Variants in GRM8 observed in about 807,000 individuals in gnomAD.
The protein encoded by GRM8 is metabotropic glutamate receptor 8.
GRM8 carries 47 observed loss-of-function variants against 87.2 expected under a neutral mutation model. The ratio of observed to expected loss-of-function variants is 0.54; its 90% CI spans 0.43 to 0.69. GRM8 has a LOEUF of 0.69. GRM8 is among the 30% of genes least tolerant of loss of function. The pLI, the probability that GRM8 is intolerant of heterozygous loss-of-function variation, is 0.00. For missense variants in GRM8, 1,019 were observed against 1,139.2 expected, an observed-to-expected ratio of 0.89 and a Z score of 1.52; for synonymous variants, 396 against 404.5, an observed-to-expected ratio of 0.98 and a Z score of 0.25.
chr7:127,106,102 A>G (rs1184875528), intron 3 of GRM8, among the ~76,000 whole-genome samples: 4 of 152,246 alleles, frequency 2.6e-5, no homozygotes, highest in African/African-American at 9.6e-5. Flanking sequence ...TAGTCCCTCT[A>G]GTGTTGGATG....
intron 2 of GRM8, among the ~76,000 whole-genome samples, chr7:127,122,912 G>A (rs1049732512): frequency 6.6e-6 from 1 of 152,112 alleles, no homozygotes; most frequent in Non-Finnish European, 1.5e-5. Context: ...GAGAAGACTA[G>A]GGACTAAGGG....
intron 7 of GRM8, among the ~76,000 whole-genome samples, chr7:126,642,410 G>A (rs554278675): frequency 9.9e-5 from 15 of 152,158 alleles, no homozygotes; most frequent in African/African-American, 1.4e-4. Context: ...AGGCTGAGGC[G>A]GGCAGATCAC....
intron 8 of GRM8, among the ~76,000 whole-genome samples, chr7:126,604,801 A>G (rs2151086613): frequency 6.6e-6 from 1 of 152,304 alleles, no homozygotes; most frequent in Middle Eastern, 3.4e-3. Flanking sequence ...GTATCCTGTC[A>G]GAAGTTTTTC....
chr7:127,203,478 C>T (rs995639127), intron 2 of GRM8, among the ~76,000 whole-genome samples: 16 of 152,236 alleles, frequency 1.1e-4, no homozygotes, highest in South Asian at 1.0e-3. Context: ...GAGGCCAAGG[C>T]GGGTGAATCA....
intron 3 of GRM8, among the ~76,000 whole-genome samples, chr7:126,942,122 G>A (rs187884341): frequency 6.6e-6 from 1 of 152,012 alleles, no homozygotes; most frequent in East Asian, 1.9e-4. Context: ...CTACTTTCTG[G>A]ATGTTTTGAT....
At chr7:126,748,463 AAC>A (rs59917200) in intron 7 of GRM8, among the ~76,000 whole-genome samples, 3,334 of 152,148 alleles carry the variant, frequency 0.022, 135 homozygotes, top group African/African-American at 0.076. Context: ...GCAAATTTAA[AAC>A]ATTGTGGAGA....
intron 3 of GRM8, among the ~76,000 whole-genome samples, chr7:127,032,692 C>T (rs1817491363): frequency 6.6e-6 from 1 of 152,134 alleles, no homozygotes; most frequent in African/African-American, 2.4e-5. Flanking sequence ...AAAAAGACCA[C>T]ATAGCCCTCA....
At chr7:126,646,296 A>AAGGAAGGAAGGAAGGG (rs1803073813) in intron 7 of GRM8, among the ~76,000 whole-genome samples, 1 of 151,264 alleles carries the variant, frequency 6.6e-6, no homozygotes, top group Non-Finnish European at 1.5e-5. Flanking sequence ...GGAAGGAAGG[A>AAGGAAGGAAGGAAGGG]AGGAAGGAAA....
rs148817540 is a variant in GRM8, at chr7:126,873,475, C to T, written c.1156+29067G>A. Among the ~76,000 whole-genome samples, 13 of 152,090 alleles carry T rather than the reference C, an allele frequency of 8.5e-5. No individual in the cohort carries two copies. In the East Asian group the frequency reaches 2.3e-3, roughly 27 times the overall value. On this transcript the variant is annotated intron_variant, in intron 6 of 10. Transcript: ENST00000339582. ...TCACACACCCTTAAGATAGTAGGTA[C>T]TAATATTAATTCCTGCCTGTGTAAC...
At chr7:126,578,701 T>C (rs780520619) in intron 8 of GRM8, among the ~76,000 whole-genome samples, 35 of 152,238 alleles carry the variant, frequency 2.3e-4, no homozygotes, top group Admixed American at 6.5e-4. Flanking sequence ...TTTAAAGATA[T>C]GTGCTAAAGT....
intron 6 of GRM8, among the ~76,000 whole-genome samples, chr7:126,791,633 T>C (rs758546923): frequency 6.6e-6 from 1 of 152,236 alleles, no homozygotes; most frequent in Non-Finnish European, 1.5e-5. Flanking sequence ...TTCAAAAGCA[T>C]AGGCCTTAAA....
chr7:127,164,172 T>C (rs1441423556), intron 2 of GRM8, among the ~76,000 whole-genome samples: 1 of 152,142 alleles, frequency 6.6e-6, no homozygotes, highest in Non-Finnish European at 1.5e-5. Context: ...GCTCTGGCCA[T>C]GCGATGTGCC....
chr7:126,794,293 C>CG (rs1821715237), intron 6 of GRM8, among the ~76,000 whole-genome samples: 1 of 152,108 alleles, frequency 6.6e-6, no homozygotes, highest in Admixed American at 6.6e-5. Flanking sequence ...TTTTGCTCAG[C>CG]AGGAGCTTAC....
At chr7:126,957,218 T>C (rs537380875) in intron 3 of GRM8, among the ~76,000 whole-genome samples, 3 of 152,136 alleles carry the variant, frequency 2.0e-5, no homozygotes, top group Admixed American at 2.0e-4. Flanking sequence ...CACTAAAGCA[T>C]GGTAACTGAA....
intron 6 of GRM8, among the ~76,000 whole-genome samples, chr7:126,804,481 G>A (rs1418390068): frequency 6.6e-6 from 1 of 152,170 alleles, no homozygotes; most frequent in African/African-American, 2.4e-5. Flanking sequence ...CCTATTGACC[G>A]CAGAACTTTC....
chr7:126,597,747 T>C (rs970076935), intron 8 of GRM8, among the ~76,000 whole-genome samples: 2 of 152,092 alleles, frequency 1.3e-5, no homozygotes, highest in Non-Finnish European at 2.9e-5. Context: ...CTTTCTTTGA[T>C]TTTCCTTTTC....
At chr7:126,708,880 A>C (rs1810819904) in intron 7 of GRM8, among the ~76,000 whole-genome samples, 1 of 152,064 alleles carries the variant, frequency 6.6e-6, no homozygotes. Flanking sequence ...AGACAGGAAG[A>C]TTAAATTTTA....
At chr7:127,134,257 T>C (rs1005790981) in intron 2 of GRM8, among the ~76,000 whole-genome samples, 2 of 152,252 alleles carry the variant, frequency 1.3e-5, no homozygotes, top group Non-Finnish European at 2.9e-5. Context: ...AGTACATTTG[T>C]GCTCAGAAAG....
intron 8 of GRM8, among the ~76,000 whole-genome samples, chr7:126,581,916 C>T (rs551303068): frequency 1.3e-5 from 2 of 152,072 alleles, no homozygotes; most frequent in Non-Finnish European, 2.9e-5. Flanking sequence ...GCTCAATGAA[C>T]CCCCTGTTCC....
Sources: allele counts gnomAD v4.1 joint callset (sites outside exome capture counted in the v4.1 genomes callset), GRCh38; gene constraint gnomAD v4.1.1; transcripts MANE v1.5; gene names NCBI Gene and HGNC (gene_info 2026-07-23, HGNC 2026-07-21).